Variants in MLLT3 observed in about 807,000 individuals in gnomAD.
MLLT3 encodes the protein MLLT3 super elongation complex subunit, also known as protein AF-9.
MLLT3 carries 4 observed loss-of-function variants against 53.2 expected under a neutral mutation model. The ratio of observed to expected loss-of-function variants is 0.08; its 90% CI spans 0.04 to 0.17. MLLT3 has a LOEUF of 0.17. Ranked by LOEUF, MLLT3 falls within the 10% of genes least tolerant of loss-of-function variation. The probability of loss-of-function intolerance (pLI) is 1.00; values close to 1 mark genes in which losing one functional copy is unlikely to be tolerated. For synonymous variants in MLLT3, 283 were observed against 230.6 expected (o/e 1.23, Z -2.06); for missense variants, 569 against 684.0 (o/e 0.83, Z 1.87).
intron 4 of MLLT3, among the ~76,000 whole-genome samples, chr9:20,431,699 T>A (rs747447400): frequency 6.6e-6 from 1 of 151,998 alleles, no homozygotes; most frequent in Non-Finnish European, 1.5e-5. Context: ...CACAAAAAGG[T>A]TCATAATTGC....
intron 2 of MLLT3, among the ~76,000 whole-genome samples, chr9:20,524,088 C>T (rs1331157598): frequency 1.3e-5 from 2 of 151,876 alleles, no homozygotes; most frequent in East Asian, 3.9e-4. Context: ...GACAGTGAAA[C>T]TGCTCTATGT....
intron 2 of MLLT3, among the ~76,000 whole-genome samples, chr9:20,477,079 C>T (rs1478076323): frequency 6.6e-6 from 1 of 152,100 alleles, no homozygotes; most frequent in Non-Finnish European, 1.5e-5. Context: ...TTTGTCTCCT[C>T]CCTTCTCTGG....
At chr9:20,426,079 T>G (rs1451978060) in intron 4 of MLLT3, among the ~76,000 whole-genome samples, 2 of 152,100 alleles carry the variant, frequency 1.3e-5, no homozygotes, top group African/African-American at 4.8e-5. Flanking sequence ...TGTTTCAGAA[T>G]CCAATTTCAT....
At chr9:20,451,738 A>C (rs957442310) in intron 3 of MLLT3, among the ~76,000 whole-genome samples, 3 of 152,182 alleles carry the variant, frequency 2.0e-5, no homozygotes, top group Non-Finnish European at 4.4e-5. Context: ...GGCAATATCA[A>C]GTTACCCTCT....
chr9:20,380,993 G>C (rs1477895477), intron 5 of MLLT3, among the ~76,000 whole-genome samples: 7 of 151,906 alleles, frequency 4.6e-5, no homozygotes, highest in Non-Finnish European at 1.0e-4. Context: ...GAAGGGGAGA[G>C]ACTAGCTTTA....
rs767507742 is a variant in MLLT3 at position 20,476,097 on chromosome 9, C to G, written c.194-19311G>C. Among the ~76,000 whole-genome samples the G allele has an allele frequency of 2.6e-5, 4 of 152,016 alleles. No homozygotes were observed. In the South Asian group the frequency reaches 8.3e-4, roughly 32 times the overall value. On this transcript the variant is annotated intron_variant, in intron 2 of 10. Coordinates refer to ENST00000380338, the MANE Select transcript of MLLT3 (RefSeq NM_004529.4). Reference sequence around the variant, plus strand: ...TTTTTTTAAGAGATAGGGTCACATTCTGTCACCCAGGCTGGAGTGCAGTCA... The same window carrying G: ...TTTTTTTAAGAGATAGGGTCACATTGTGTCACCCAGGCTGGAGTGCAGTCA...
intron 2 of MLLT3, among the ~76,000 whole-genome samples, chr9:20,574,095 G>A (rs1819596087): frequency 2.0e-5 from 3 of 152,090 alleles, no homozygotes; most frequent in Admixed American, 6.6e-5. Context: ...GCCGGGTTCT[G>A]GACACTACAT....
chr9:20,555,160 C>A (rs566681951), intron 2 of MLLT3, among the ~76,000 whole-genome samples: 1 of 152,242 alleles, frequency 6.6e-6, no homozygotes, highest in Non-Finnish European at 1.5e-5. Flanking sequence ...TCAGATAGCA[C>A]TCCTCCTGAA....
intron 5 of MLLT3, chr9:20,411,844 G>C (rs1822736127): frequency 6.6e-6 from 1 of 152,174 alleles, no homozygotes; most frequent in Admixed American, 6.5e-5. Context: ...TGTGTTTCAT[G>C]TAGAAAGAGC....
chr9:20,491,707 T>C (rs1286901172), intron 2 of MLLT3, among the ~76,000 whole-genome samples: 1 of 152,044 alleles, frequency 6.6e-6, no homozygotes, highest in Non-Finnish European at 1.5e-5. Flanking sequence ...AAAGTACAAA[T>C]GGGAGAAATA....
At chr9:20,586,964 T>C (rs1819982678) in intron 2 of MLLT3, among the ~76,000 whole-genome samples, 2 of 152,266 alleles carry the variant, frequency 1.3e-5, no homozygotes, top group East Asian at 3.9e-4. Context: ...AAAAGCATGA[T>C]TCTTTCCTAA....
chr9:20,435,036 A>G (rs1454907570), intron 4 of MLLT3, among the ~76,000 whole-genome samples: 2 of 152,160 alleles, frequency 1.3e-5, no homozygotes, highest in Non-Finnish European at 2.9e-5. Flanking sequence ...TGTTTTTGCC[A>G]TCCTTAGTCT....
Position 20,502,971 on chromosome 9 carries a change from A to G in MLLT3, c.194-46185T>C, listed in dbSNP as rs185056549. On this transcript the variant is annotated intron_variant, in intron 2 of 10. Coordinates refer to ENST00000380338, the MANE Select transcript of MLLT3 (RefSeq NM_004529.4). ...TCACTACAGCAACCAAAAAGAACAG[A>G]ATGCTTAGGAAAAAATTTAAACCAA... Among the ~76,000 whole-genome samples the G allele has an allele frequency of 1.1e-3, 173 of 152,344 alleles. 5 individuals carry two copies. The East Asian group carries it at 0.031, about 28-fold the overall frequency.
chr9:20,534,547 T>C (rs983948687), intron 2 of MLLT3, among the ~76,000 whole-genome samples: 7 of 152,218 alleles, frequency 4.6e-5, no homozygotes, highest in South Asian at 2.1e-4. Flanking sequence ...CACTGTGTTC[T>C]AACTATTCTC....
intron 2 of MLLT3, among the ~76,000 whole-genome samples, chr9:20,608,946 A>C (rs1221019486): frequency 6.6e-6 from 1 of 152,004 alleles, no homozygotes; most frequent in African/African-American, 2.4e-5. Flanking sequence ...ATTTTTATCT[A>C]TCACATACTT....
chr9:20,447,365 G>C (rs941634150), intron 4 of MLLT3, among the ~76,000 whole-genome samples: 1 of 152,216 alleles, frequency 6.6e-6, no homozygotes, highest in Non-Finnish European at 1.5e-5. Context: ...TCTCAAAATA[G>C]ATGGGGTGTG....
chr9:20,499,592 G>T (rs529599686), intron 2 of MLLT3, among the ~76,000 whole-genome samples: 7 of 152,108 alleles, frequency 4.6e-5, no homozygotes, highest in African/African-American at 7.2e-5. Flanking sequence ...AGATACCTTC[G>T]AAATCATTTG....
intron 2 of MLLT3, among the ~76,000 whole-genome samples, chr9:20,535,838 A>AAGAT (rs1303742606): frequency 1.3e-4 from 20 of 152,202 alleles, no homozygotes; most frequent in African/African-American, 4.8e-4. Flanking sequence ...GAGAAATAGG[A>AAGAT]AGATGCCCAT....
intron 3 of MLLT3, among the ~76,000 whole-genome samples, chr9:20,453,780 TGA>T (rs1358014651): frequency 6.6e-6 from 1 of 152,216 alleles, no homozygotes; most frequent in African/African-American, 2.4e-5. Flanking sequence ...CATCATTTTT[TGA>T]GATTTACTCA....
Sources: allele counts gnomAD v4.1 joint callset (sites outside exome capture counted in the v4.1 genomes callset), GRCh38; gene constraint gnomAD v4.1.1; transcripts MANE v1.5; gene names NCBI Gene and HGNC (gene_info 2026-07-23, HGNC 2026-07-21).